Variants in PUDP observed in about 807,000 individuals in gnomAD.
The protein encoded by PUDP is pseudouridine 5'-phosphatase.
PUDP carries 8 observed loss-of-function variants against 9.4 expected under a neutral mutation model. That is an observed-to-expected ratio of 0.85 (90% confidence interval 0.50 to 1.53). The LOEUF is 1.53. PUDP is among the 40% of genes most tolerant of loss of function. The pLI is 0.00. For synonymous variants in PUDP, 99 were observed against 80.7 expected (o/e 1.23, Z -1.22); for missense variants, 188 against 189.7 (o/e 0.99, Z 0.05).
intron 1 of PUDP, among the ~76,000 whole-genome samples, chrX:7,042,766 C>G (rs969697632): frequency 9.0e-6 from 1 of 111,618 alleles, no homozygotes; most frequent in African/African-American, 3.3e-5. Context: ...ACCTTCCATG[C>G]CATTTCTGCA....
intron 1 of PUDP, among the ~76,000 whole-genome samples, chrX:7,125,659 T>C (rs761854549): frequency 8.9e-6 from 1 of 111,980 alleles, no homozygotes; most frequent in South Asian, 3.8e-4. Flanking sequence ...ATGGGTAATT[T>C]ATAAAGAAAA....
At chrX:6,911,953 T>G (rs1435900051) in intron 3 of PUDP, among the ~76,000 whole-genome samples, 1 of 111,734 alleles carries the variant, frequency 8.9e-6, no homozygotes, top group Non-Finnish European at 1.9e-5. Flanking sequence ...TAGTATTTTT[T>G]GTTCTGCTTG....
chrX:6,771,803 C>T (rs1644733283), intron 3 of PUDP, among the ~76,000 whole-genome samples: 1 of 112,574 alleles, frequency 8.9e-6, no homozygotes. Flanking sequence ...CTGTTGCAAA[C>T]GTTCAACTCT....
intron 1 of PUDP, among the ~76,000 whole-genome samples, chrX:7,108,919 G>T (rs1233911889): frequency 8.9e-6 from 1 of 112,081 alleles, no homozygotes; most frequent in African/African-American, 3.2e-5. Context: ...CACCGTTCTG[G>T]ATACTGCAGA....
intron 3 of PUDP, among the ~76,000 whole-genome samples, chrX:7,056,825 A>T (rs902315743): frequency 4.4e-5 from 5 of 112,425 alleles, no homozygotes; most frequent in African/African-American, 1.6e-4. Context: ...AGGGAAGTTC[A>T]GAGGCAAGCT....
intron 3 of PUDP, among the ~76,000 whole-genome samples, chrX:6,808,649 C>T (rs781749197): frequency 5.4e-5 from 6 of 111,712 alleles, no homozygotes; most frequent in Non-Finnish European, 9.4e-5. Flanking sequence ...AGCAGGTTTA[C>T]GTTCATTATT....
chrX:6,819,596 A>C (rs779159601), intron 3 of PUDP, among the ~76,000 whole-genome samples: 1 of 112,890 alleles, frequency 8.9e-6, no homozygotes, highest in South Asian at 3.6e-4. Context: ...ACTCAAAATC[A>C]TATTTGAAAC....
At chrX:7,094,938 C>G (rs1931530984) in intron 2 of PUDP, among the ~76,000 whole-genome samples, 1 of 111,788 alleles carries the variant, frequency 8.9e-6, no homozygotes, top group African/African-American at 3.3e-5. Context: ...TCCAGCTTTG[C>G]CAGCAGAGCC....
chrX:7,006,613 T>C (rs191224219), intron 1 of PUDP, among the ~76,000 whole-genome samples: 1 of 111,147 alleles, frequency 9.0e-6, no homozygotes, highest in East Asian at 2.8e-4. Flanking sequence ...TGCTGGGCCA[T>C]TGATTTCACG....
chrX:7,097,444 C>G (rs1156513320), intron 2 of PUDP, among the ~76,000 whole-genome samples: 2 of 111,355 alleles, frequency 1.8e-5, no homozygotes, highest in Non-Finnish European at 3.8e-5. Flanking sequence ...CTTGTGGACT[C>G]CCCCGAGGTC....
intron 3 of PUDP, among the ~76,000 whole-genome samples, chrX:6,957,341 T>C (rs751973185): frequency 2.7e-5 from 3 of 109,931 alleles, no homozygotes; most frequent in Non-Finnish European, 5.7e-5. Flanking sequence ...AATGGATTAA[T>C]GCCCTTATCA....
chrX:6,874,289 ATAAC>A (rs778261865), intron 3 of PUDP, among the ~76,000 whole-genome samples: 14 of 112,139 alleles, frequency 1.2e-4, no homozygotes, highest in South Asian at 3.7e-4. Context: ...AGCTGCTTTC[ATAAC>A]TAACCGCTTA....
chrX:6,892,558 C>A (rs1179111241), intron 3 of PUDP, among the ~76,000 whole-genome samples: 1 of 110,503 alleles, frequency 9.0e-6, no homozygotes, highest in African/African-American at 3.3e-5. Flanking sequence ...AAGACCCGTC[C>A]CCATGATTCA....
At chrX:6,896,162 T>C (rs1217209648) in intron 3 of PUDP, among the ~76,000 whole-genome samples, 1 of 112,006 alleles carries the variant, frequency 8.9e-6, no homozygotes, top group Non-Finnish European at 1.9e-5. Context: ...CTCCAGTTTA[T>C]ATTATAGGCT....
chrX:6,727,751 T>C (rs1253879573), intron 3 of PUDP, among the ~76,000 whole-genome samples: 2 of 111,940 alleles, frequency 1.8e-5, no homozygotes, highest in African/African-American at 6.5e-5. Flanking sequence ...GGGGGCTACC[T>C]GCTTCCCAGA....
chrX:6,875,603 T>C (rs1016162360), intron 3 of PUDP, among the ~76,000 whole-genome samples: 1 of 111,443 alleles, frequency 9.0e-6, no homozygotes, highest in African/African-American at 3.3e-5. Flanking sequence ...TAGGAGGCTG[T>C]CCCTACAACT....
intron 3 of PUDP, among the ~76,000 whole-genome samples, chrX:6,802,129 C>G (rs1443167418): frequency 8.9e-6 from 1 of 111,985 alleles, no homozygotes; most frequent in Non-Finnish European, 1.9e-5. Flanking sequence ...GGTTCATAGG[C>G]TTAATTTTAC....
chrX:7,009,605 G>GT (rs200269786), intron 1 of PUDP, among the ~76,000 whole-genome samples: 99 of 110,156 alleles, frequency 9.0e-4, no homozygotes, highest in African/African-American at 2.9e-3. Flanking sequence ...AATGCACTGG[G>GT]TTTTTTTTTA....
chrX:6,989,094 TTATAAGATACATATACATGCATA>T (rs1415002542), intron 1 of PUDP, among the ~76,000 whole-genome samples: 1 of 111,781 alleles, frequency 8.9e-6, no homozygotes, highest in African/African-American at 3.3e-5. Context: ...TCAAATCCCC[TTATAAGATACATATACATGCATA>T]TATATTTGCA....
Sources: allele counts gnomAD v4.1 joint callset (sites outside exome capture counted in the v4.1 genomes callset), GRCh38; gene constraint gnomAD v4.1.1; transcripts MANE v1.5; gene names NCBI Gene and HGNC (gene_info 2026-07-23, HGNC 2026-07-21).